RAMP1: variants seen among roughly 807,000 people sequenced by gnomAD.
The protein encoded by RAMP1 is receptor activity-modifying protein 1.
In RAMP1, 7 loss-of-function variants were observed where a neutral mutation model predicts 8.2. That is an observed-to-expected ratio of 0.85 (90% CI 0.49 to 1.60). The LOEUF (loss-of-function observed/expected upper bound fraction) is 1.60, where lower values mean the gene tolerates loss of function less well. RAMP1 is among the 40% of genes most tolerant of loss of function. The probability of loss-of-function intolerance (pLI) is 0.00; values close to 1 mark genes in which losing one functional copy is unlikely to be tolerated. For synonymous variants in RAMP1, 92 were observed against 84.7 expected, an observed-to-expected ratio of 1.09 and a Z score of -0.47; for missense variants, 192 against 202.4, an observed-to-expected ratio of 0.95 and a Z score of 0.31.
chr2:237,867,613 C>T (rs2062202121), intron 1 of RAMP1, among the ~76,000 whole-genome samples: 1 of 152,194 alleles, frequency 6.6e-6, no homozygotes, highest in Admixed American at 6.5e-5. Flanking sequence ...TGTCTCAGTG[C>T]TGGCAGGCCG....
chr2:237,906,741 T>TTA (rs1216001024), intron 2 of RAMP1, among the ~76,000 whole-genome samples: 24 of 148,292 alleles, frequency 1.6e-4, no homozygotes, highest in Admixed American at 6.1e-4. Flanking sequence ...TTTTTTTTTT[T>TTA]AAAGACAGTC....
intron 2 of RAMP1, among the ~76,000 whole-genome samples, chr2:237,885,672 C>T (rs1357196580): frequency 6.6e-6 from 1 of 152,138 alleles, no homozygotes. Context: ...AGGCCGCCCT[C>T]CCTGCCTACT....
chr2:237,892,735 TTCTC>T (rs35656622), intron 2 of RAMP1, among the ~76,000 whole-genome samples: 9,833 of 148,670 alleles, frequency 0.066, 442 homozygotes, highest in East Asian at 0.15. Flanking sequence ...GGGCTTCCTC[TTCTC>T]TCTCTCTCTC....
intron 2 of RAMP1, among the ~76,000 whole-genome samples, chr2:237,901,375 A>T (rs1486388366): frequency 6.6e-6 from 1 of 152,258 alleles, no homozygotes; most frequent in African/African-American, 2.4e-5. Context: ...ACAGCCACAA[A>T]GTAACACCCA....
In RAMP1 at chr2:237,862,220, T is replaced by C. The variant is rs2062140069; in HGVS notation, c.52+2493T>C. On this transcript the variant is annotated intron_variant, in intron 1 of 2. Transcript: ENST00000254661. The surrounding 1 kb of genome is among the most constrained non-coding windows in gnomAD (Gnocchi z 4.0). ...GACAGGGACATCACAGGAAATGCTATGTGACTGCTTCAGATTGCCATGCGG... is the reference window on the plus strand; with the variant it reads ...GACAGGGACATCACAGGAAATGCTACGTGACTGCTTCAGATTGCCATGCGG... 6.6e-6 allele frequency among the ~76,000 whole-genome samples: 1 copy of C among 152,222 alleles called. No individual in the cohort carries two copies. Among genetic ancestry groups the C allele is most frequent in the Non-Finnish European group, 1.5e-5 (1 of 68,040 alleles).
intron 2 of RAMP1, among the ~76,000 whole-genome samples, chr2:237,898,059 A>G (rs2062560819): frequency 6.6e-6 from 1 of 152,140 alleles, no homozygotes. Flanking sequence ...TCAGCCTCCC[A>G]CAGTGCTGGG....
intron 2 of RAMP1, among the ~76,000 whole-genome samples, chr2:237,900,415 C>T (rs1297420177): frequency 1.3e-5 from 2 of 152,132 alleles, no homozygotes; most frequent in African/African-American, 4.8e-5. Flanking sequence ...CCCACCTCGG[C>T]CTCCCAAAGT....
chr2:237,867,529 G>A lies in RAMP1; in HGVS notation c.52+7802G>A, dbSNP rs180702528. 4.3e-4 allele frequency among the ~76,000 whole-genome samples: 66 copies of A among 152,192 alleles called. 1 individual carries two copies. The highest frequency in any genetic ancestry group is 1.0e-3 in the African/African-American group (42 of 41,522). On this transcript the variant is annotated intron_variant, in intron 1 of 2. Coordinates refer to ENST00000254661, the MANE Select transcript of RAMP1 (RefSeq NM_005855.4). Reference sequence around the variant, plus strand: ...GGGATGGAGAATGCATCTTCTTCCCGTGTGTAAAGTAAGCTTTTGTCCTGT... The same window carrying A: ...GGGATGGAGAATGCATCTTCTTCCCATGTGTAAAGTAAGCTTTTGTCCTGT...
chr2:237,877,160 T>G lies in RAMP1; in HGVS notation c.53-64T>G. On this transcript the variant is annotated intron_variant, in intron 1 of 2. Coordinates refer to ENST00000254661, the MANE Select transcript of RAMP1 (RefSeq NM_005855.4). The surrounding 1 kb of genome is among the most constrained non-coding windows in gnomAD (Gnocchi z 4.4). ...GTCCGGGCTGCAGGGGCGCGCGGGC[T>G]GGCGGTGATACCCCTAGGCCTCTGC... 1.2e-6 allele frequency: 2 copies of G among 1,607,526 alleles called. No homozygotes were observed. The highest frequency in any genetic ancestry group is 1.7e-6 in the Non-Finnish European group (2 of 1,178,592).
At position 237,906,004 on chromosome 2, in the gene RAMP1, C is replaced by G. The variant is rs1195991720; in HGVS notation, c.192-5524C>G. ...CCAGCCTGGGCAACAGAGCAAGACT[C>G]TGTCTCAAAAAAAAAAAAAAAAAAA... is the stretch of plus-strand genomic sequence containing the variant. On this transcript the variant is annotated intron_variant, in intron 2 of 2. Transcript: ENST00000254661. 2.1e-4 allele frequency among the ~76,000 whole-genome samples: 24 copies of G among 115,556 alleles called. No individual in the cohort carries two copies. In the Admixed American group the frequency reaches 2.2e-3, roughly 11 times the overall value. The allele number at this position is 115,556 out of a possible 152,430, so 75.8% of individuals were successfully genotyped here.
chr2:237,867,330 G>A (rs184155491), intron 1 of RAMP1, among the ~76,000 whole-genome samples: 1 of 152,240 alleles, frequency 6.6e-6, no homozygotes, highest in African/African-American at 2.4e-5. Flanking sequence ...AGGAGCAAGA[G>A]GAGGGGTTGG....
chr2:237,874,534 T>C (rs903505935), intron 1 of RAMP1: 7 of 436,678 alleles, frequency 1.6e-5, no homozygotes, highest in Non-Finnish European at 1.8e-5. Context: ...GGATCCCGAC[T>C]GAGGCACAGA....
At chr2:237,876,330 G>A (rs2062302971) in intron 1 of RAMP1, among the ~76,000 whole-genome samples, 1 of 152,242 alleles carries the variant, frequency 6.6e-6, no homozygotes, top group South Asian at 2.1e-4. Flanking sequence ...GGGCCAGGCG[G>A]TGGGCTGCAG....
At chr2:237,868,757 A>T (rs1267554065) in intron 1 of RAMP1, among the ~76,000 whole-genome samples, 1 of 152,066 alleles carries the variant, frequency 6.6e-6, no homozygotes, top group Non-Finnish European at 1.5e-5. Flanking sequence ...CTCATGGTTG[A>T]TATTTTCTGG....
rs1267174216 is a variant in RAMP1 at position 237,864,791 on chromosome 2, G to A, written c.52+5064G>A. ...AGACATGTGGTGCTACTTAAATGCA[G>A]CAGGAAATAAACAGGAGACCACGGA... On this transcript the variant is annotated intron_variant, in intron 1 of 2. Transcript: ENST00000254661. 2.0e-5 allele frequency among the ~76,000 whole-genome samples: 3 copies of A among 152,348 alleles called. No individual in the cohort carries two copies. The East Asian group carries it at 5.8e-4, about 29-fold the overall frequency.
At chr2:237,908,918 A>G (rs541878614) in intron 2 of RAMP1, among the ~76,000 whole-genome samples, 1 of 152,244 alleles carries the variant, frequency 6.6e-6, no homozygotes, top group African/African-American at 2.4e-5. Flanking sequence ...CCCAGGAGAG[A>G]AGAGTCTGGG....
intron 2 of RAMP1, among the ~76,000 whole-genome samples, chr2:237,892,276 CTTTT>C (rs201847138): frequency 1.3e-4 from 17 of 134,372 alleles, no homozygotes; most frequent in South Asian, 4.7e-4. Context: ...TTCTTTCTTT[CTTTT>C]TTTTTTTTTT....
At position 237,878,562 on chromosome 2, in the gene RAMP1, C is replaced by T. The variant is rs1195305021; in HGVS notation, c.191+1200C>T. Among the ~76,000 whole-genome samples the T allele has an allele frequency of 2.0e-5, 3 of 152,228 alleles. No individual in the cohort carries two copies. The highest frequency in any genetic ancestry group is 1.3e-4 in the Admixed American group (2 of 15,292). The stretch of plus-strand genomic sequence containing the variant: ...TCTGAGCCTGGGTTTGGGCCTCCCT[C>T]TACCCTCAGAGCCCCGCTGGCCACA... On this transcript the variant is annotated intron_variant, in intron 2 of 2. Coordinates refer to ENST00000254661, the MANE Select transcript of RAMP1 (RefSeq NM_005855.4). This position sits in a 1 kb window ranked among gnomAD's most constrained non-coding sequence, Gnocchi z 5.7.
intron 2 of RAMP1, among the ~76,000 whole-genome samples, chr2:237,898,605 T>C (rs1380889859): frequency 6.6e-6 from 1 of 152,184 alleles, no homozygotes; most frequent in Non-Finnish European, 1.5e-5. Context: ...GACTTCCTTA[T>C]ACATTTCCCC....
Sources: allele counts gnomAD v4.1 joint callset (sites outside exome capture counted in the v4.1 genomes callset), GRCh38; gene constraint gnomAD v4.1.1; non-coding constraint Gnocchi (gnomAD v3.1); transcripts MANE v1.5; gene names NCBI Gene and HGNC (gene_info 2026-07-23, HGNC 2026-07-21).